Variants in POU3F3 observed in about 807,000 individuals in gnomAD.
POU3F3 encodes POU domain, class 3, transcription factor 3.
A neutral mutation model predicts 8.6 loss-of-function variants in POU3F3; 1 was observed. The ratio of observed to expected loss-of-function variants is 0.12; its 90% CI spans 0.04 to 0.55. The LOEUF (loss-of-function observed/expected upper bound fraction) is 0.55, where lower values mean the gene tolerates loss of function less well. Among genes scored for constraint, POU3F3 ranks in the 20% least tolerant of loss-of-function variants. The pLI is 0.91. For synonymous variants in POU3F3, 418 were observed against 327.4 expected, an observed-to-expected ratio of 1.28 and a Z score of -2.99; for missense variants, 577 against 690.7, an observed-to-expected ratio of 0.84 and a Z score of 1.84.
chr2:104,887,334 C>A, the POU3F3 span, among the ~76,000 whole-genome samples: 1 of 152,248 alleles, frequency 6.6e-6, no homozygotes, highest in Admixed American at 6.5e-5. Context: ...GTTTCAGCCT[C>A]ATTTTACCCA....
chr2:104,909,947 G>C, the POU3F3 span, among the ~76,000 whole-genome samples: 2 of 151,926 alleles, frequency 1.3e-5, no homozygotes, highest in African/African-American at 4.8e-5. Context: ...AAAAATGTGG[G>C]CCCAACTCAC....
chr2:104,890,586 C>T, the POU3F3 span, among the ~76,000 whole-genome samples: 3 of 152,114 alleles, frequency 2.0e-5, no homozygotes, highest in Admixed American at 1.3e-4. Flanking sequence ...CTGAATGTTT[C>T]GGGTTTTCAC....
At chr2:104,902,520 A>G in the POU3F3 span, among the ~76,000 whole-genome samples, 2 of 152,084 alleles carry the variant, frequency 1.3e-5, no homozygotes, top group African/African-American at 4.8e-5. Context: ...TCAAAGTTCA[A>G]CCTTTTCCCC....
the POU3F3 span, among the ~76,000 whole-genome samples, chr2:104,913,510 A>G: frequency 2.0e-5 from 3 of 152,100 alleles, no homozygotes; most frequent in African/African-American, 7.2e-5. Flanking sequence ...TCAGAGCTAA[A>G]AATGCAGGTA....
chr2:104,913,105 G>A, the POU3F3 span, among the ~76,000 whole-genome samples: 2 of 152,158 alleles, frequency 1.3e-5, no homozygotes, highest in African/African-American at 2.4e-5. Flanking sequence ...CAATTGAAAC[G>A]CAGCTTTGTT....
chr2:104,869,686 C>G, the POU3F3 span, among the ~76,000 whole-genome samples: 2 of 152,186 alleles, frequency 1.3e-5, no homozygotes, highest in African/African-American at 4.8e-5. Context: ...CCTCTGACAC[C>G]AGAAAGGGGA....
the POU3F3 span, among the ~76,000 whole-genome samples, chr2:104,910,813 A>T: frequency 6.6e-6 from 1 of 152,186 alleles, no homozygotes; most frequent in Non-Finnish European, 1.5e-5. Flanking sequence ...GATTAAACGA[A>T]CTATGGATGT....
chr2:104,854,144 G>A lies in POU3F3; in HGVS notation c.-1367G>A, dbSNP rs2104337729. ...GACAGTCCCCGCTCTGAGAGGGAGG[G>A]ACAGAGAGCGAACTGTCAGATCGGA... On this transcript the variant is annotated 5_prime_UTR_variant, in exon 1 of 1. Transcript: ENST00000361360. This position sits in a 1 kb window ranked among gnomAD's most constrained non-coding sequence, Gnocchi z 4.5. Among the ~76,000 whole-genome samples, 1 of 152,290 alleles carries A rather than the reference G, an allele frequency of 6.6e-6. No individual in the cohort carries two copies. Among genetic ancestry groups the A allele is most frequent in the South Asian group, 2.1e-4 (1 of 4,820 alleles).
chr2:104,865,547 T>C, the POU3F3 span: 1 of 152,184 alleles, frequency 6.6e-6, no homozygotes, highest in African/African-American at 2.4e-5. Flanking sequence ...AGACCACACA[T>C]TAGCTCTGTC....
the POU3F3 span, among the ~76,000 whole-genome samples, chr2:104,892,280 T>G: frequency 6.6e-6 from 1 of 152,202 alleles, no homozygotes. Context: ...TTGGCCTCCA[T>G]GTGGGACAAG....
chr2:104,856,036 C>T lies in POU3F3; in HGVS notation c.526C>T (p.Pro176Ser). The change falls in exon 1 of 1, where the codon CCG becomes TCG. Residue 176 changes from proline to serine, a missense_variant. Pro to Ser is a moderately conservative substitution (Grantham distance 74, BLOSUM62 -1). Around this residue, in one of 7 missense-constraint regions of POU3F3, gnomAD observed 484 missense variants for 422.6 expected, o/e 1.15. Coordinates refer to ENST00000361360, the MANE Select transcript of POU3F3 (RefSeq NM_006236.3). ...CGGGCCGCCGCACCTCGGACCCCCG[C>T]CGCCGCCCCCACACCAGGGCCACCC... ...HRGPPHLGPP[P>S]PPPHQGHPGG... 1 of 987,578 alleles carries T rather than the reference C, an allele frequency of 1.0e-6. No homozygotes were observed. Among genetic ancestry groups the T allele is most frequent in the Non-Finnish European group, 1.2e-6 (1 of 834,072 alleles). The allele number at this position is 987,578 out of a possible 1,614,324, so 61.2% of individuals were successfully genotyped here.
At chr2:104,891,198 T>C in the POU3F3 span, among the ~76,000 whole-genome samples, 2 of 152,236 alleles carry the variant, frequency 1.3e-5, no homozygotes, top group African/African-American at 4.8e-5. Context: ...CAGGGTCTTG[T>C]AGCTCTTTGA....
At position 104,857,021 on chromosome 2, in the gene POU3F3, G is replaced by T. The variant is rs113920817; in HGVS notation, c.*8G>T. ...CAGACGAGCGTTCAGTGAAGCCAGG[G>T]CGCAGAGCGAAGAGGGCCGCCGCCG... On this transcript the variant is annotated 3_prime_UTR_variant, in exon 1 of 1. Transcript: ENST00000361360. The T allele has an allele frequency of 6.4e-7, 1 of 1,569,236 alleles. No homozygotes were observed. The highest frequency in any genetic ancestry group is 8.6e-7 in the Non-Finnish European group (1 of 1,158,680).
chr2:104,878,942 C>T, the POU3F3 span, among the ~76,000 whole-genome samples: 1 of 151,858 alleles, frequency 6.6e-6, no homozygotes, highest in Non-Finnish European at 1.5e-5. Flanking sequence ...CACACAAATG[C>T]AACACACAAA....
the POU3F3 span, among the ~76,000 whole-genome samples, chr2:104,924,674 T>G: frequency 6.6e-6 from 1 of 152,232 alleles, no homozygotes; most frequent in African/African-American, 2.4e-5. Flanking sequence ...CTTTCAACTC[T>G]TCATAACCTC....
chr2:104,855,531 C>A lies in POU3F3; in HGVS notation c.21C>A (p.Asn7Lys). 1 of 1,045,084 alleles carries A rather than the reference C, an allele frequency of 9.6e-7. No individual in the cohort carries two copies. Among genetic ancestry groups the A allele is most frequent in the Non-Finnish European group, 1.2e-6 (1 of 864,240 alleles). The allele number at this position is 1,045,084 out of a possible 1,614,324, so 64.7% of individuals were successfully genotyped here. MATAAS[N>K]PYLPGNSLLA... ...GCGGCATGGCCACGGCGGCTTCTAA[C>A]CCCTACCTGCCGGGGAACAGCCTGC... The change falls in exon 1 of 1, where the codon AAC (asparagine) becomes AAA (lysine). Residue 7 changes from asparagine (N) to lysine (K), a missense_variant. By Grantham distance (94) the Asn-to-Lys change is moderately conservative (BLOSUM62 0). Coordinates refer to ENST00000361360, the MANE Select transcript of POU3F3 (RefSeq NM_006236.3).
At chr2:104,914,676 A>C in the POU3F3 span, among the ~76,000 whole-genome samples, 1 of 152,160 alleles carries the variant, frequency 6.6e-6, no homozygotes, top group Admixed American at 6.5e-5. Context: ...TCAGAACCAG[A>C]CGGCTTAGGG....
Position 104,857,262 on chromosome 2 carries a change from G to A in POU3F3, c.*249G>A, listed in dbSNP as rs1409663968. 2 of 243,604 alleles carry A rather than the reference G, an allele frequency of 8.2e-6. No individual in the cohort carries two copies. The highest frequency in any genetic ancestry group is 1.3e-5 in the Non-Finnish European group (2 of 149,964). 15.1% of individuals were successfully genotyped at this position (243,604 alleles called of 1,614,324 possible). A position where few individuals can be genotyped will look rare whatever the true frequency, so the allele number is the denominator to read the frequency against. On this transcript the variant is annotated 3_prime_UTR_variant, in exon 1 of 1. Transcript: ENST00000361360. ...AACGGACCAAGGAGGCATTTTTGCA[G>A]TCCAAGGAAGGAGGGGCCAAAAAAT...
the POU3F3 span, among the ~76,000 whole-genome samples, chr2:104,921,718 C>T: frequency 1.3e-5 from 2 of 152,190 alleles, no homozygotes; most frequent in African/African-American, 2.4e-5. Context: ...GACCACATAG[C>T]CAGGCATGGT....
Sources: gnomAD v4.1 joint callset for allele counts (sites outside exome capture counted in the v4.1 genomes callset) on GRCh38, gnomAD v4.1.1 for gene constraint, gnomAD v4.1.1 regional missense constraint, Gnocchi (gnomAD v3.1) non-coding constraint, MANE v1.5 for transcripts, NCBI Gene and HGNC (gene_info 2026-07-23, HGNC 2026-07-21) for gene names.